PHF14: variants seen among roughly 807,000 people sequenced by gnomAD.
PHF14 encodes the protein PHD finger protein 14.
Under a neutral mutation model 117.9 loss-of-function variants are expected in PHF14, and 55 were observed. The observed-to-expected ratio is 0.47, with a 90% CI of 0.38 to 0.58. The LOEUF is 0.58. PHF14 is among the 20% of genes least tolerant of loss of function. PHF14 has a pLI of 0.00. For missense variants in PHF14, 978 were observed against 1,122.2 expected, an observed-to-expected ratio of 0.87 and a Z score of 1.84; for synonymous variants, 409 against 368.6, an observed-to-expected ratio of 1.11 and a Z score of -1.26.
At chr7:11,157,745 A>C (rs929332487) in intron 17 of PHF14, among the ~76,000 whole-genome samples, 1 of 152,200 alleles carries the variant, frequency 6.6e-6, no homozygotes, top group African/African-American at 2.4e-5. Context: ...GTGTTACTGA[A>C]TGACTGTATG....
intron 17 of PHF14, among the ~76,000 whole-genome samples, chr7:11,135,978 T>C (rs770519754): frequency 1.8e-4 from 28 of 152,106 alleles, no homozygotes; most frequent in Admixed American, 7.9e-4. Context: ...CTCGTTAAAG[T>C]TAACTGGTAT....
chr7:11,062,129 T>C (rs759298762), intron 16 of PHF14, 44 bp downstream of exon 16: 1 of 1,511,814 alleles, frequency 6.6e-7, no homozygotes, highest in East Asian at 2.3e-5. Context: ...ATGAAAGTTC[T>C]ATATTTATTT....
chr7:11,039,564 C>G (rs1784436221), intron 11 of PHF14, among the ~76,000 whole-genome samples: 1 of 152,108 alleles, frequency 6.6e-6, no homozygotes, highest in Non-Finnish European at 1.5e-5. Context: ...GATGGAGACC[C>G]ACTGTTTGTG....
At chr7:11,032,679 C>T (rs916960818) in intron 7 of PHF14, among the ~76,000 whole-genome samples, 1 of 152,048 alleles carries the variant, frequency 6.6e-6, no homozygotes, top group African/African-American at 2.4e-5. Context: ...TCTCACAGGC[C>T]CCAGCATTTA....
At chr7:11,079,288 G>A (rs1202947487) in intron 16 of PHF14, among the ~76,000 whole-genome samples, 1 of 152,076 alleles carries the variant, frequency 6.6e-6, no homozygotes, top group Non-Finnish European at 1.5e-5. Context: ...GCTGGCTTTT[G>A]CCATGGCATA....
chr7:11,091,532 G>A (rs549342523), intron 16 of PHF14, among the ~76,000 whole-genome samples: 1 of 152,274 alleles, frequency 6.6e-6, no homozygotes, highest in South Asian at 2.1e-4. Context: ...AAGGTAGGCA[G>A]ATCAGTTGAG....
intron 17 of PHF14, among the ~76,000 whole-genome samples, chr7:11,164,100 C>G (rs1789129772): frequency 6.6e-6 from 1 of 152,142 alleles, no homozygotes; most frequent in Non-Finnish European, 1.5e-5. Flanking sequence ...AAGAAAATAT[C>G]ATAAGAATAT....
chr7:11,036,867 T>C, intron 9 of PHF14, 118 bp from the exon 10 acceptor site: 1 of 941,444 alleles, frequency 1.1e-6, no homozygotes, highest in Admixed American at 2.9e-5. Context: ...TATTTGTAAA[T>C]ATACTTAAAA....
chr7:11,010,170 G>T lies in PHF14; in HGVS notation c.1046-3577G>T, dbSNP rs962769260. 2.0e-5 allele frequency among the ~76,000 whole-genome samples: 3 copies of T among 151,958 alleles called. No homozygotes were observed. The South Asian group carries it at 6.2e-4, about 32-fold the overall frequency. On this transcript the variant is annotated intron_variant, in intron 4 of 17. Transcript: ENST00000634607. ...TAAAATATATATTTTTTCCCATGTG[G>T]TATTGCATAGCACATGGAGAAAATA...
At chr7:10,981,830 T>G (rs748921640) in intron 2 of PHF14, among the ~76,000 whole-genome samples, 1 of 152,154 alleles carries the variant, frequency 6.6e-6, no homozygotes, top group Non-Finnish European at 1.5e-5. Context: ...TATATTAGAG[T>G]TGTAGTATAA....
intron 14 of PHF14, among the ~76,000 whole-genome samples, chr7:11,054,012 T>C (rs1395567877): frequency 1.3e-5 from 2 of 151,902 alleles, no homozygotes; most frequent in Non-Finnish European, 2.9e-5. Context: ...TTCCAATGCA[T>C]GTTGAAGCTC....
At chr7:11,114,475 C>T (rs1237287116) in intron 17 of PHF14, among the ~76,000 whole-genome samples, 1 of 152,162 alleles carries the variant, frequency 6.6e-6, no homozygotes, top group East Asian at 1.9e-4. Flanking sequence ...TAATAAGATT[C>T]ATCATATCTG....
At chr7:11,076,295 C>G (rs1162217315) in intron 16 of PHF14, among the ~76,000 whole-genome samples, 9 of 152,134 alleles carry the variant, frequency 5.9e-5, no homozygotes, top group African/African-American at 2.2e-4. Context: ...ATGGTGGCAT[C>G]CCTTCCGTGA....
intron 16 of PHF14, among the ~76,000 whole-genome samples, chr7:11,073,157 A>G (rs1194263907): frequency 6.6e-6 from 1 of 152,134 alleles, no homozygotes; most frequent in African/African-American, 2.4e-5. Flanking sequence ...ACAGTCCTCC[A>G]AAGTCTTTAC....
chr7:10,989,481 T>A (rs940750882), intron 3 of PHF14, among the ~76,000 whole-genome samples: 10 of 152,348 alleles, frequency 6.6e-5, no homozygotes, highest in African/African-American at 2.4e-4. Context: ...TTTTATTATA[T>A]GTAATGTTAA....
Position 10,982,605 on chromosome 7 carries a change from G to C in PHF14, c.346G>C (p.Glu116Gln). Residue 116 changes from glutamate to glutamine, a missense_variant, in exon 3 of 18, where the codon GAG (glutamate) becomes CAG (glutamine). By Grantham distance (29) the Glu-to-Gln change is conservative. This residue lies in a region of PHF14 where 414 missense variants were observed against 376.4 expected (regional missense o/e 1.10). Transcript: ENST00000634607. Reference sequence around the variant, plus strand: ...TGGAGAAAGACCTAGAAAGAAAAAGGAGAAAGAGAAGGAAAAAGAAAAGGA... The same window carrying C: ...TGGAGAAAGACCTAGAAAGAAAAAGCAGAAAGAGAAGGAAAAAGAAAAGGA... Reference protein sequence around the residue: ...ENGERPRKKKEKEKEKEKEKE... With the variant: ...ENGERPRKKKQKEKEKEKEKE... The C allele has an allele frequency of 6.6e-7, 1 of 1,515,362 alleles. No individual in the cohort carries two copies. Among genetic ancestry groups the C allele is most frequent in the Non-Finnish European group, 9.0e-7 (1 of 1,117,128 alleles). 93.9% of individuals were successfully genotyped at this position (1,515,362 alleles called of 1,614,324 possible). A position where few individuals can be genotyped will look rare whatever the true frequency, so the allele number is the denominator to read the frequency against.
intron 16 of PHF14, among the ~76,000 whole-genome samples, chr7:11,078,535 T>C (rs181771773): frequency 6.6e-6 from 1 of 152,266 alleles, no homozygotes; most frequent in Admixed American, 6.5e-5. Context: ...AAAATCCCTT[T>C]TAATTTTCAA....
At chr7:10,981,613 C>T (rs1210960602) in intron 2 of PHF14, among the ~76,000 whole-genome samples, 1 of 152,174 alleles carries the variant, frequency 6.6e-6, no homozygotes, top group African/African-American at 2.4e-5. Context: ...TCAGGATGGA[C>T]TGCTTTATTC....
At chr7:10,974,980 T>G (rs1781811699) in intron 2 of PHF14, 35 bp downstream of exon 2, 1 of 1,057,960 alleles carries the variant, frequency 9.5e-7, no homozygotes, top group Admixed American at 2.3e-5. Flanking sequence ...CTTTCCCAGC[T>G]TTCTGGAGTT....
Sources: gnomAD v4.1 joint callset for allele counts (sites outside exome capture counted in the v4.1 genomes callset) on GRCh38, gnomAD v4.1.1 for gene constraint, gnomAD v4.1.1 regional missense constraint, MANE v1.5 for transcripts, NCBI Gene and HGNC (gene_info 2026-07-23, HGNC 2026-07-21) for gene names.